PCDHGA10: variants seen among roughly 807,000 people sequenced by gnomAD.
PCDHGA10 encodes protocadherin gamma-A10.
PCDHGA10 carries 42 observed loss-of-function variants against 59.5 expected under a neutral mutation model. The observed-to-expected ratio is 0.71, with a 90% CI of 0.55 to 0.91. The LOEUF is 0.91. Ranked by LOEUF, PCDHGA10 falls within the 40% of genes least tolerant of loss-of-function variation. The pLI is 0.00. For missense variants in PCDHGA10, 1,111 were observed against 1,198.2 expected, an observed-to-expected ratio of 0.93 and a Z score of 1.07; for synonymous variants, 511 against 517.2, an observed-to-expected ratio of 0.99 and a Z score of 0.16.
intron 1 of PCDHGA10, among the ~76,000 whole-genome samples, chr5:141,479,129 C>T (rs2099488562): frequency 6.6e-6 from 1 of 152,154 alleles, no homozygotes; most frequent in South Asian, 2.1e-4. Context: ...AAATGATGTG[C>T]ACCCTGCTTA....
At chr5:141,507,120 T>TA (rs1256499995) in intron 3 of PCDHGA10, 2 of 152,206 alleles carry the variant, frequency 1.3e-5, no homozygotes, top group African/African-American at 4.8e-5. Context: ...TGGCTGCCTT[T>TA]GGATCCAGCC....
At chr5:141,433,066 C>A in intron 1 of PCDHGA10, 2 of 1,614,210 alleles carry the variant, frequency 1.2e-6, no homozygotes, top group Non-Finnish European at 1.7e-6. Context: ...GTCACCTGAT[C>A]TTCCCCCAGC....
chr5:141,458,933 A>G (rs920768063), intron 1 of PCDHGA10, among the ~76,000 whole-genome samples: 3 of 151,912 alleles, frequency 2.0e-5, no homozygotes, highest in Admixed American at 6.6e-5. Flanking sequence ...GGGTCTCACT[A>G]TGTTGCTTAG....
chr5:141,503,222 G>T (rs540244346), intron 2 of PCDHGA10, among the ~76,000 whole-genome samples: 1 of 152,120 alleles, frequency 6.6e-6, no homozygotes, highest in East Asian at 1.9e-4. Context: ...CATGAGCACC[G>T]TAAAGATGGA....
chr5:141,479,188 A>G (rs2099489531), intron 1 of PCDHGA10: 1 of 152,606 alleles, frequency 6.6e-6, no homozygotes. Context: ...TAGAAAATTC[A>G]GAAAATACAG....
intron 1 of PCDHGA10, among the ~76,000 whole-genome samples, chr5:141,458,247 C>T (rs758242859): frequency 4.6e-5 from 7 of 152,100 alleles, no homozygotes; most frequent in South Asian, 2.1e-4. Flanking sequence ...CAAAATGATA[C>T]GGCTCTGATG....
rs971599906 is a variant in PCDHGA10, at chr5:141,413,839, G to T, written c.664G>T (p.Gly222Cys). 6.2e-7 allele frequency: 1 copy of T among 1,613,310 alleles called. No individual in the cohort carries two copies. The highest frequency in any genetic ancestry group is 1.3e-5 in the African/African-American group (1 of 75,014). The stretch of plus-strand genomic sequence containing the variant: ...CCTGGTCCTCACCGCCTCCGACGGG[G>T]GTGACCCTCTCCGATCTGGCACTGT... Reference protein sequence around the residue: ...HHLVLTASDGGDPLRSGTVLV... With the variant: ...HHLVLTASDGCDPLRSGTVLV... The change falls in exon 1 of 4, where the codon GGT becomes TGT. Residue 222 changes from glycine (G) to cysteine (C), a missense_variant. Gly to Cys is a radical substitution (Grantham distance 159). Transcript: ENST00000398610.
chr5:141,417,618 G>C, intron 1 of PCDHGA10: 3 of 654,348 alleles, frequency 4.6e-6, no homozygotes, highest in Non-Finnish European at 7.4e-6. Flanking sequence ...CCAGTGCAGA[G>C]CAAGCGCTGA....
At chr5:141,508,737 C>G (rs919094477) in intron 3 of PCDHGA10, among the ~76,000 whole-genome samples, 2 of 152,010 alleles carry the variant, frequency 1.3e-5, no homozygotes, top group Non-Finnish European at 2.9e-5. Flanking sequence ...CTACACCCCC[C>G]ACCCCGCTCT....
intron 1 of PCDHGA10, chr5:141,419,146 GCCT>G: frequency 6.2e-7 from 1 of 1,613,922 alleles, no homozygotes; most frequent in East Asian, 2.2e-5. Context: ...ACAGGGGCAA[GCCT>G]CCGTTATCCT....
intron 1 of PCDHGA10, among the ~76,000 whole-genome samples, chr5:141,453,357 C>T (rs1027586816): frequency 1.3e-5 from 2 of 152,002 alleles, no homozygotes; most frequent in Admixed American, 6.6e-5. Flanking sequence ...TGACCCTGAA[C>T]TCCTGGGGTC....
At chr5:141,498,919 C>T (rs897611505) in intron 2 of PCDHGA10, among the ~76,000 whole-genome samples, 34 of 122,310 alleles carry the variant, frequency 2.8e-4, no homozygotes, top group African/African-American at 3.4e-4. Flanking sequence ...GGTGACAGAG[C>T]GAGACTCCAT....
Position 141,487,831 on chromosome 5 carries a change from A to G in PCDHGA10, c.2437-6976A>G, listed in dbSNP as rs1001896359. ...TTAGCATTGGGGGCGGGTCATGCCTATATCTGAGTAAGAAATGAAAGTAAT... is the reference window on the plus strand; with the variant it reads ...TTAGCATTGGGGGCGGGTCATGCCTGTATCTGAGTAAGAAATGAAAGTAAT... On this transcript the variant is annotated intron_variant, in intron 1 of 3. Transcript: ENST00000398610. This position sits in a 1 kb window ranked among gnomAD's most constrained non-coding sequence, Gnocchi z 5.0. The G allele has an allele frequency of 1.1e-5, 13 of 1,144,204 alleles. No homozygotes were observed. Among genetic ancestry groups the G allele is most frequent in the Non-Finnish European group, 1.6e-5 (13 of 818,302 alleles). 70.9% of individuals were successfully genotyped at this position (1,144,204 alleles called of 1,614,324 possible). A position where few individuals can be genotyped will look rare whatever the true frequency, so the allele number is the denominator to read the frequency against.
intron 1 of PCDHGA10, chr5:141,429,169 T>TACAC (rs10667977): frequency 0.077 from 11,199 of 145,388 alleles, 458 homozygotes; most frequent in African/African-American, 0.081. Flanking sequence ...ACATTGTTTA[T>TACAC]ACACACACAC....
intron 2 of PCDHGA10, among the ~76,000 whole-genome samples, chr5:141,495,107 AC>A (rs1422274779): frequency 1.3e-5 from 2 of 152,048 alleles, no homozygotes; most frequent in Non-Finnish European, 2.9e-5. Context: ...CACGACCGGC[AC>A]CTTTTCCTAT....
In PCDHGA10 at chr5:141,477,176, G is replaced by C. The variant is rs766547728; in HGVS notation, c.2437-17631G>C. On this transcript the variant is annotated intron_variant, in intron 1 of 3. Coordinates refer to ENST00000398610, the MANE Select transcript of PCDHGA10 (RefSeq NM_018913.3). This position sits in a 1 kb window ranked among gnomAD's most constrained non-coding sequence, Gnocchi z 4.9. ...GAATGACAACGCCCCGGAGATCACAGTCACCTCCGTGTACAGCCCAGTACC... is the reference window on the plus strand; with the variant it reads ...GAATGACAACGCCCCGGAGATCACACTCACCTCCGTGTACAGCCCAGTACC... The C allele has an allele frequency of 1.2e-6, 2 of 1,614,206 alleles. No individual in the cohort carries two copies. The highest frequency in any genetic ancestry group is 3.3e-5 in the Admixed American group (2 of 60,024).
At chr5:141,484,877 G>T in intron 1 of PCDHGA10, 1 of 338,660 alleles carries the variant, frequency 3.0e-6, no homozygotes, top group Non-Finnish European at 5.4e-6. Context: ...GTGGAGGATA[G>T]GGTGGGCTTT....
At position 141,490,807 on chromosome 5, in the gene PCDHGA10, G is replaced by T. The variant is rs1315856354; in HGVS notation, c.2437-4000G>T. Reference sequence around the variant, plus strand: ...ACGGATCTTTGCCCAGCGTACCTTTGACTATGAATTGCTGCAGATGCTGCA... The same window carrying T: ...ACGGATCTTTGCCCAGCGTACCTTTTACTATGAATTGCTGCAGATGCTGCA... On this transcript the variant is annotated intron_variant, in intron 1 of 3. Transcript: ENST00000398610. This position sits in a 1 kb window ranked among gnomAD's most constrained non-coding sequence, Gnocchi z 5.4. 6.2e-7 allele frequency: 1 copy of T among 1,613,924 alleles called. No individual in the cohort carries two copies. The highest frequency in any genetic ancestry group is 8.5e-7 in the Non-Finnish European group (1 of 1,179,870).
At position 141,422,108 on chromosome 5, in the gene PCDHGA10, A is replaced by G. The variant is rs766617894; in HGVS notation, c.2436+6497A>G. 4.4e-6 allele frequency: 7 copies of G among 1,606,984 alleles called. No homozygotes were observed. In the East Asian group the frequency reaches 1.6e-4, roughly 36 times the overall value. ...GAAAGCAAGGCTTCTGAAATATTCCAATTGGATTCACAAACTGGAGAAGTT... is the reference window on the plus strand; with the variant it reads ...GAAAGCAAGGCTTCTGAAATATTCCGATTGGATTCACAAACTGGAGAAGTT... On this transcript the variant is annotated intron_variant, in intron 1 of 3. Transcript: ENST00000398610.
Sources: allele counts gnomAD v4.1 joint callset (sites outside exome capture counted in the v4.1 genomes callset), GRCh38; gene constraint gnomAD v4.1.1; non-coding constraint Gnocchi (gnomAD v3.1); transcripts MANE v1.5; gene names NCBI Gene and HGNC (gene_info 2026-07-23, HGNC 2026-07-21).